BCKDHB: variants seen among roughly 807,000 people sequenced by gnomAD.
The protein encoded by BCKDHB is branched chain keto acid dehydrogenase E1 subunit beta, also known as 2-oxoisovalerate dehydrogenase subunit beta, mitochondrial.
Under a neutral mutation model 48.5 loss-of-function variants are expected in BCKDHB, and 41 were observed. That is an observed-to-expected ratio of 0.85 (90% CI 0.66 to 1.10). The LOEUF (loss-of-function observed/expected upper bound fraction) is 1.10, where lower values mean the gene tolerates loss of function less well. Among genes scored for constraint, BCKDHB ranks in the 50% least tolerant of loss-of-function variants. The probability of loss-of-function intolerance (pLI) is 0.00; values close to 1 mark genes in which losing one functional copy is unlikely to be tolerated. For synonymous variants in BCKDHB, 201 were observed against 174.8 expected (o/e 1.15, Z -1.18); for missense variants, 496 against 494.2 (o/e 1.00, Z -0.03).
chr6:80,432,460 G>T, the BCKDHB span, among the ~76,000 whole-genome samples: 2 of 151,632 alleles, frequency 1.3e-5, no homozygotes, highest in African/African-American at 4.8e-5. Flanking sequence ...CCTTTCTTCC[G>T]CTTGTTCGAT....
At chr6:80,136,566 G>T (rs1770895417) in intron 3 of BCKDHB, among the ~76,000 whole-genome samples, 1 of 151,872 alleles carries the variant, frequency 6.6e-6, no homozygotes, top group South Asian at 2.1e-4. Flanking sequence ...TTTAAATATG[G>T]CTCTAAAGGT....
chr6:80,328,905 A>G (rs1299061739), intron 9 of BCKDHB, among the ~76,000 whole-genome samples: 1 of 152,190 alleles, frequency 6.6e-6, no homozygotes. Flanking sequence ...CCAAAGATAC[A>G]ATAGACAACA....
At chr6:80,392,365 T>A in the BCKDHB span, among the ~76,000 whole-genome samples, 1 of 150,798 alleles carries the variant, frequency 6.6e-6, no homozygotes, top group Non-Finnish European at 1.5e-5. Context: ...GGGCTGTATT[T>A]TTTTTTTATT....
At chr6:80,359,052 C>T in the BCKDHB span, among the ~76,000 whole-genome samples, 5 of 152,244 alleles carry the variant, frequency 3.3e-5, no homozygotes, top group Admixed American at 3.3e-4. Context: ...AAAAATAGTT[C>T]GAATCTCTCC....
chr6:80,219,854 G>T (rs1775334045), intron 8 of BCKDHB, among the ~76,000 whole-genome samples: 1 of 152,076 alleles, frequency 6.6e-6, no homozygotes, highest in Non-Finnish European at 1.5e-5. Context: ...ATATACTAGT[G>T]TCACATTGGG....
intron 9 of BCKDHB, among the ~76,000 whole-genome samples, chr6:80,315,525 C>A (rs9361599): frequency 6.6e-6 from 1 of 151,956 alleles, no homozygotes; most frequent in East Asian, 1.9e-4. Flanking sequence ...TTACTCACCC[C>A]CCTTTTGTTG....
At chr6:80,347,180 G>C (rs1266198300), downstream of BCKDHB, among the ~76,000 whole-genome samples, 2 of 152,114 alleles carry the variant, frequency 1.3e-5, no homozygotes, top group African/African-American at 4.8e-5. Context: ...CACAGAGTCT[G>C]AATAGCTATG....
the BCKDHB span, among the ~76,000 whole-genome samples, chr6:80,359,116 C>T: frequency 6.6e-6 from 1 of 152,194 alleles, no homozygotes; most frequent in Non-Finnish European, 1.5e-5. Flanking sequence ...GAGGCCTGCA[C>T]GTGACATTAG....
At chr6:80,108,036 T>A (rs2127701967) in intron 1 of BCKDHB, among the ~76,000 whole-genome samples, 1 of 152,282 alleles carries the variant, frequency 6.6e-6, no homozygotes. Context: ...TGTGTATGTT[T>A]CATCATCTCA....
intron 9 of BCKDHB, among the ~76,000 whole-genome samples, chr6:80,311,108 G>A (rs928227579): frequency 6.6e-6 from 1 of 152,136 alleles, no homozygotes; most frequent in Non-Finnish European, 1.5e-5. Context: ...TTCCCGTGCT[G>A]TTCTCATGAT....
chr6:80,435,198 A>T, the BCKDHB span, among the ~76,000 whole-genome samples: 4 of 152,214 alleles, frequency 2.6e-5, no homozygotes, highest in African/African-American at 4.8e-5. Context: ...GTCTTAAAAC[A>T]ATTACGTCAC....
chr6:80,298,189 T>C (rs1767356441), intron 9 of BCKDHB, among the ~76,000 whole-genome samples: 1 of 152,190 alleles, frequency 6.6e-6, no homozygotes, highest in South Asian at 2.1e-4. Context: ...CTCTGCTCAC[T>C]GCAACCTCTG....
chr6:80,162,059 G>T (rs1772342816), intron 3 of BCKDHB, among the ~76,000 whole-genome samples: 1 of 152,018 alleles, frequency 6.6e-6, no homozygotes, highest in Non-Finnish European at 1.5e-5. Flanking sequence ...AATGTCACTG[G>T]AGCAAAACAT....
chr6:80,172,301 TAGTA>T (rs1772955466), intron 6 of BCKDHB, among the ~76,000 whole-genome samples: 1 of 152,072 alleles, frequency 6.6e-6, no homozygotes, highest in East Asian at 1.9e-4. Flanking sequence ...CATTTCTACT[TAGTA>T]AGGAACATGG....
intron 1 of BCKDHB, among the ~76,000 whole-genome samples, chr6:80,114,187 C>A (rs1474353534): frequency 6.6e-6 from 1 of 151,716 alleles, no homozygotes; most frequent in African/African-American, 2.4e-5. Context: ...CCTCCAGACC[C>A]TATTCTGCCT....
intron 6 of BCKDHB, among the ~76,000 whole-genome samples, chr6:80,194,955 A>G (rs1195107990): frequency 6.6e-6 from 1 of 152,012 alleles, no homozygotes; most frequent in African/African-American, 2.4e-5. Context: ...AGCCTCACCC[A>G]CTGTTGCTCC....
At chr6:80,303,447 T>A (rs1048904076) in intron 9 of BCKDHB, among the ~76,000 whole-genome samples, 1 of 152,054 alleles carries the variant, frequency 6.6e-6, no homozygotes, top group African/African-American at 2.4e-5. Context: ...TGCTTTGATC[T>A]CTCCTGATCT....
chr6:80,228,015 T>TAC (rs1775753524), intron 8 of BCKDHB, among the ~76,000 whole-genome samples: 1 of 152,300 alleles, frequency 6.6e-6, no homozygotes, highest in South Asian at 2.1e-4. Flanking sequence ...ACACTGAGCA[T>TAC]ACAGCAACAG....
intron 8 of BCKDHB, among the ~76,000 whole-genome samples, chr6:80,221,836 C>G (rs1047065771): frequency 1.3e-5 from 2 of 152,184 alleles, no homozygotes; most frequent in African/African-American, 4.8e-5. Context: ...AAGAATTTGG[C>G]ACTTACAGCC....
Sources: gnomAD v4.1 joint callset for allele counts (sites outside exome capture counted in the v4.1 genomes callset) on GRCh38, gnomAD v4.1.1 for gene constraint, MANE v1.5 for transcripts, NCBI Gene and HGNC (gene_info 2026-07-23, HGNC 2026-07-21) for gene names.